BICC1: variants seen among roughly 807,000 people sequenced by gnomAD.
BICC1 encodes protein bicaudal C homolog 1.
In BICC1, 43 loss-of-function variants were observed where a neutral mutation model predicts 111.0. The ratio of observed to expected loss-of-function variants is 0.39; its 90% CI spans 0.30 to 0.50. BICC1 has a LOEUF of 0.50. Among genes scored for constraint, BICC1 ranks in the 20% least tolerant of loss-of-function variants. The probability of loss-of-function intolerance (pLI) is 0.88; values close to 1 mark genes in which losing one functional copy is unlikely to be tolerated. For missense variants in BICC1, 1,091 were observed against 1,203.2 expected, an observed-to-expected ratio of 0.91 and a Z score of 1.38; for synonymous variants, 467 against 434.4, an observed-to-expected ratio of 1.07 and a Z score of -0.93.
At chr10:58,530,588 C>T (rs191146240) in intron 1 of BICC1, among the ~76,000 whole-genome samples, 3 of 150,454 alleles carry the variant, frequency 2.0e-5, no homozygotes, top group African/African-American at 2.4e-5. Flanking sequence ...ATACCTATGC[C>T]GAACTGTTTA....
intron 1 of BICC1, among the ~76,000 whole-genome samples, chr10:58,560,398 T>C (rs1843571936): frequency 6.6e-6 from 1 of 152,104 alleles, no homozygotes; most frequent in African/African-American, 2.4e-5. Context: ...GTGTTATCAA[T>C]TGTAATGTCT....
intron 2 of BICC1, among the ~76,000 whole-genome samples, chr10:58,640,134 C>T (rs1222297267): frequency 1.3e-5 from 2 of 151,846 alleles, no homozygotes; most frequent in Non-Finnish European, 2.9e-5. Flanking sequence ...GAGTACTGAT[C>T]AGTAAATTAA....
At chr10:58,561,326 G>C (rs1843597628) in intron 1 of BICC1, among the ~76,000 whole-genome samples, 1 of 150,912 alleles carries the variant, frequency 6.6e-6, no homozygotes, top group Non-Finnish European at 1.5e-5. Flanking sequence ...TATAGTTTTT[G>C]ACTTAAAAAT....
At chr10:58,606,571 A>C (rs899869593) in intron 1 of BICC1, among the ~76,000 whole-genome samples, 3 of 151,918 alleles carry the variant, frequency 2.0e-5, no homozygotes, top group African/African-American at 7.2e-5. Context: ...ATAATAAATA[A>C]ATAAATAAAA....
chr10:58,613,840 T>G lies in BICC1; in HGVS notation c.191-7015T>G, dbSNP rs562584060. On this transcript the variant is annotated intron_variant, in intron 1 of 20. Transcript: ENST00000373886. The stretch of plus-strand genomic sequence containing the variant: ...GCTTTGAATATTTTACAGGTTGGGG[T>G]TGTAATTTGAATGAAGGTAGGGCCT... Among the ~76,000 whole-genome samples the G allele has an allele frequency of 5.3e-5, 8 of 152,270 alleles. No homozygotes were observed. In the East Asian group the frequency reaches 1.5e-3, roughly 29 times the overall value.
rs756539249 is a variant in BICC1, at chr10:58,803,229, A to G, written c.2168A>G (p.Tyr723Cys). Residue 723 changes from tyrosine (Y) to cysteine (C), a missense_variant, in exon 15 of 21, where the codon TAT (tyrosine) becomes TGT (cysteine). Physicochemically the swap from Tyr to Cys is radical, Grantham distance 194. Coordinates refer to ENST00000373886, the MANE Select transcript of BICC1 (RefSeq NM_001080512.3). ...ERAHLAPRSSYVNMQAFDYEQ... is the reference protein window; with the variant it reads ...ERAHLAPRSSCVNMQAFDYEQ... ...GCCCACCTTGCTCCACGGTCATCAT[A>G]TGTCAACATGCAGGTAATGGTAATA... 9 of 1,600,126 alleles carry G rather than the reference A, an allele frequency of 5.6e-6. No homozygotes were observed. In the East Asian group the frequency reaches 6.7e-5, roughly 12 times the overall value.
At chr10:58,782,708 C>A (rs1842912982) in intron 3 of BICC1, among the ~76,000 whole-genome samples, 1 of 152,074 alleles carries the variant, frequency 6.6e-6, no homozygotes, top group African/African-American at 2.4e-5. Context: ...AACTGGAAAA[C>A]CTGATTGAAG....
At chr10:58,749,270 G>A (rs1841920883) in intron 3 of BICC1, among the ~76,000 whole-genome samples, 1 of 152,036 alleles carries the variant, frequency 6.6e-6, no homozygotes, top group South Asian at 2.1e-4. Context: ...ACTTCTGAAG[G>A]TCATCTTCCT....
At chr10:58,700,569 T>G (rs1038005748) in intron 2 of BICC1, among the ~76,000 whole-genome samples, 12 of 152,178 alleles carry the variant, frequency 7.9e-5, no homozygotes, top group African/African-American at 2.4e-4. Context: ...GACCAGTACC[T>G]TGACTTAGTG....
At chr10:58,711,556 G>A (rs1366621155) in intron 3 of BICC1, among the ~76,000 whole-genome samples, 1 of 152,002 alleles carries the variant, frequency 6.6e-6, no homozygotes, top group Non-Finnish European at 1.5e-5. Flanking sequence ...GCTCATGTTC[G>A]GTGACCTATT....
chr10:58,572,056 G>A (rs1453700679), intron 1 of BICC1, among the ~76,000 whole-genome samples: 5 of 152,104 alleles, frequency 3.3e-5, no homozygotes, highest in East Asian at 1.9e-4. Context: ...ATATCTCATC[G>A]TAGTTTTGAT....
At chr10:58,713,141 A>C (rs984240895) in intron 3 of BICC1, among the ~76,000 whole-genome samples, 3 of 152,198 alleles carry the variant, frequency 2.0e-5, no homozygotes, top group Admixed American at 1.3e-4. Context: ...AAAATGCCTA[A>C]ATTAAACAGT....
chr10:58,546,654 G>C (rs1175562623), intron 1 of BICC1, among the ~76,000 whole-genome samples: 2 of 152,042 alleles, frequency 1.3e-5, no homozygotes, highest in Non-Finnish European at 2.9e-5. Context: ...TCTCATAGTT[G>C]CAGGAAAAAC....
intron 2 of BICC1, among the ~76,000 whole-genome samples, chr10:58,638,872 T>A (rs1384679079): frequency 6.6e-4 from 1 of 1,520 alleles, no homozygotes; most frequent in African/African-American, 2.7e-3. Context: ...TTTTCTCTTC[T>A]CTTTTTTCTC....
chr10:58,776,715 C>T (rs1013684923), intron 3 of BICC1, among the ~76,000 whole-genome samples: 1 of 152,142 alleles, frequency 6.6e-6, no homozygotes, highest in Non-Finnish European at 1.5e-5. Flanking sequence ...CAACGACCTC[C>T]CTTGCAGTAA....
At chr10:58,691,076 A>G (rs1230140114) in intron 2 of BICC1, among the ~76,000 whole-genome samples, 4 of 152,232 alleles carry the variant, frequency 2.6e-5, no homozygotes, top group Non-Finnish European at 4.4e-5. Context: ...CCAAGAGACC[A>G]TCACCACAAG....
intron 3 of BICC1, among the ~76,000 whole-genome samples, chr10:58,713,982 G>A (rs1460791362): frequency 1.3e-5 from 2 of 152,176 alleles, no homozygotes; most frequent in Admixed American, 1.3e-4. Context: ...GGCAATATCT[G>A]GAGACATTTT....
intron 1 of BICC1, among the ~76,000 whole-genome samples, chr10:58,598,935 A>G (rs1250980067): frequency 6.6e-6 from 1 of 152,234 alleles, no homozygotes; most frequent in African/African-American, 2.4e-5. Context: ...GAGAAATGCA[A>G]ATCAAAACCA....
chr10:58,661,214 T>C, intron 2 of BICC1, among the ~76,000 whole-genome samples: 1 of 108 alleles, frequency 9.3e-3, no homozygotes, highest in East Asian at 0.17. Context: ...AGCTTGAATT[T>C]TTTTTTTTTT....
Sources: gnomAD v4.1 joint callset for allele counts (sites outside exome capture counted in the v4.1 genomes callset) on GRCh38, gnomAD v4.1.1 for gene constraint, MANE v1.5 for transcripts, NCBI Gene and HGNC (gene_info 2026-07-23, HGNC 2026-07-21) for gene names.